LDLRAP1: variants seen among roughly 807,000 people sequenced by gnomAD.
LDLRAP1 encodes the protein low density lipoprotein receptor adapter protein 1.
In LDLRAP1, 30 loss-of-function variants were observed where a neutral mutation model predicts 37.8. The ratio of observed to expected loss-of-function variants is 0.79; its 90% CI spans 0.59 to 1.08. LDLRAP1 has a LOEUF of 1.08. Among genes scored for constraint, LDLRAP1 ranks in the 50% least tolerant of loss-of-function variants. LDLRAP1 has a pLI of 0.00. For missense variants in LDLRAP1, 375 were observed against 401.6 expected, an observed-to-expected ratio of 0.93 and a Z score of 0.57; for synonymous variants, 156 against 169.8, an observed-to-expected ratio of 0.92 and a Z score of 0.63.
the LDLRAP1 span, chr1:25,581,723 C>T: frequency 1.3e-5 from 2 of 152,388 alleles, no homozygotes; most frequent in Non-Finnish European, 2.9e-5. Flanking sequence ...TGCTGAGTGC[C>T]TCCCCCAGGC....
Position 25,543,716 on chromosome 1 carries a change from G to A in LDLRAP1, c.18G>A (p.Ser6=). Residue 6 remains serine, a synonymous_variant, in exon 1 of 9, where the codon TCG becomes TCA. Transcript: ENST00000374338. ...AGCGGGCCATGGACGCGCTCAAGTC[G>A]GCGGGGCGGGCGCTGATCCGGAGCC... MDALK[S]AGRALIRSPS... 1 of 1,214,480 alleles carries A rather than the reference G, an allele frequency of 8.2e-7. No individual in the cohort carries two copies. The highest frequency in any genetic ancestry group is 4.1e-5 in the South Asian group (1 of 24,340). 75.2% of individuals were successfully genotyped at this position (1,214,480 alleles called of 1,614,324 possible).
chr1:25,547,708 G>A (rs916889336), intron 1 of LDLRAP1, among the ~76,000 whole-genome samples: 4 of 152,110 alleles, frequency 2.6e-5, no homozygotes, highest in Non-Finnish European at 5.9e-5. Context: ...AGCATCTCCA[G>A]CAGGCAGAGT....
At chr1:25,557,871 C>T (rs917717276) in intron 4 of LDLRAP1, among the ~76,000 whole-genome samples, 1 of 140,496 alleles carries the variant, frequency 7.1e-6, no homozygotes, top group Non-Finnish European at 1.5e-5. Flanking sequence ...AACTGTTACT[C>T]TCTCCATTTT....
chr1:25,572,977 C>T (rs2044625604), downstream of LDLRAP1, among the ~76,000 whole-genome samples: 1 of 152,144 alleles, frequency 6.6e-6, no homozygotes, highest in African/African-American at 2.4e-5. Flanking sequence ...TCAGGACTGG[C>T]TTTCAATCCC....
At chr1:25,547,486 T>TAATAAATA (rs71014373) in intron 1 of LDLRAP1, among the ~76,000 whole-genome samples, 4,716 of 145,762 alleles carry the variant, frequency 0.032, 108 homozygotes, top group African/African-American at 0.057. Context: ...TTGTCTCAAA[T>TAATAAATA]AATAAATAAA....
chr1:25,573,724 T>C (rs4659356), downstream of LDLRAP1, among the ~76,000 whole-genome samples: 61,833 of 151,988 alleles, frequency 0.41, 12,731 homozygotes, highest in Middle Eastern at 0.53. Context: ...AGGACAGCCA[T>C]GTGAGGCCAT....
chr1:25,572,370 G>A (rs1355898754), downstream of LDLRAP1, among the ~76,000 whole-genome samples: 1 of 152,180 alleles, frequency 6.6e-6, no homozygotes. Flanking sequence ...GCTCCCCAGT[G>A]TGCACTGGGT....
chr1:25,543,704 C>A lies in LDLRAP1; in HGVS notation c.6C>A (p.Asp2Glu). 1 of 1,215,402 alleles carries A rather than the reference C, an allele frequency of 8.2e-7. No homozygotes were observed. Among genetic ancestry groups the A allele is most frequent in the Non-Finnish European group, 1.0e-6 (1 of 977,592 alleles). 75.3% of individuals were successfully genotyped at this position (1,215,402 alleles called of 1,614,324 possible). A position where few individuals can be genotyped will look rare whatever the true frequency, so the allele number is the denominator to read the frequency against. The stretch of plus-strand genomic sequence containing the variant: ...GGCGGCGGCCGGAGCGGGCCATGGA[C>A]GCGCTCAAGTCGGCGGGGCGGGCGC... MDALKSAGRALI... is the reference protein window; with the variant it reads MEALKSAGRALI... The change falls in exon 1 of 9, where the codon GAC (aspartate) becomes GAA (glutamate). Residue 2 changes from aspartate (D) to glutamate (E), a missense_variant. Asp to Glu is a conservative substitution (Grantham distance 45, BLOSUM62 2). Transcript: ENST00000374338.
Position 25,565,699 on chromosome 1 carries a change from C to T in LDLRAP1, c.782+492C>T, listed in dbSNP as rs1007543170. On this transcript the variant is annotated intron_variant, in intron 8 of 8. Coordinates refer to ENST00000374338, the MANE Select transcript of LDLRAP1 (RefSeq NM_015627.3). The stretch of plus-strand genomic sequence containing the variant: ...TTTGGTATAGCCTTTGGTGGCATTT[C>T]CCCGTTTTCCCAGGGGCCATCCTTG... 2.0e-5 allele frequency among the ~76,000 whole-genome samples: 3 copies of T among 152,194 alleles called. No homozygotes were observed. The East Asian group carries it at 5.8e-4, about 29-fold the overall frequency.
chr1:25,561,280 TC>T (rs1032467316), intron 4 of LDLRAP1, among the ~76,000 whole-genome samples: 3 of 152,226 alleles, frequency 2.0e-5, no homozygotes, highest in African/African-American at 7.2e-5. Flanking sequence ...GCGAAGAGTT[TC>T]ATACTTAATT....
the LDLRAP1 span, among the ~76,000 whole-genome samples, chr1:25,580,426 C>A: frequency 6.6e-6 from 1 of 152,054 alleles, no homozygotes; most frequent in African/African-American, 2.4e-5. Flanking sequence ...GAGAAAAAAA[C>A]AAAACAAAAC....
chr1:25,579,098 C>T, the LDLRAP1 span, among the ~76,000 whole-genome samples: 2 of 152,156 alleles, frequency 1.3e-5, no homozygotes, highest in South Asian at 2.1e-4. Context: ...TAGCGCTTGT[C>T]GATTTCCTAG....
chr1:25,562,012 G>A (rs992985557), intron 4 of LDLRAP1, among the ~76,000 whole-genome samples: 3 of 152,276 alleles, frequency 2.0e-5, no homozygotes, highest in East Asian at 1.9e-4. Context: ...AAGGGCCGAG[G>A]TGTGGCCCTT....
rs2044168370 is a variant in LDLRAP1, at chr1:25,555,056, C to T, written c.344+84C>T. The T allele has an allele frequency of 6.2e-6, 6 of 974,870 alleles. No homozygotes were observed. Among genetic ancestry groups the T allele is most frequent in the Non-Finnish European group, 4.9e-6 (3 of 610,318 alleles). The allele number at this position is 974,870 out of a possible 1,614,324, so 60.4% of individuals were successfully genotyped here. On this transcript the variant is annotated intron_variant, in intron 3 of 8. Coordinates refer to ENST00000374338, the MANE Select transcript of LDLRAP1 (RefSeq NM_015627.3). This position sits in a 1 kb window ranked among gnomAD's most constrained non-coding sequence, Gnocchi z 4.7. ...TCCCATCTGAATCCAGGCTCTACCA[C>T]TTCCTACCTGGGTGACATTGGAGCC... is the stretch of plus-strand genomic sequence containing the variant.
the LDLRAP1 span, among the ~76,000 whole-genome samples, chr1:25,587,472 T>C: frequency 6.6e-6 from 1 of 152,176 alleles, no homozygotes; most frequent in Admixed American, 6.5e-5. Context: ...ACTTTTAATT[T>C]CAGTCCTGAC....
chr1:25,546,036 T>C (rs973375553), intron 1 of LDLRAP1, among the ~76,000 whole-genome samples: 1 of 152,122 alleles, frequency 6.6e-6, no homozygotes, highest in Non-Finnish European at 1.5e-5. Flanking sequence ...GTCTTACCAG[T>C]GTGCTTGGTG....
Position 25,563,700 on chromosome 1 carries a change from C to G in LDLRAP1, c.656C>G (p.Ala219Gly), listed in dbSNP as rs1448386026. Residue 219 changes from alanine (A) to glycine (G), a missense_variant, in exon 7 of 9, where the codon GCT (alanine) becomes GGT (glycine). Transcript: ENST00000374338. ...AACCTGCTGGACTTAGAGGAGACAG[C>G]TAAGGCCCCGCTGTCCACGGTCAGC... is the stretch of plus-strand genomic sequence containing the variant. ...TGNLLDLEET[A>G]KAPLSTVSAN... is the part of the protein sequence containing the mutation. The G allele has an allele frequency of 6.2e-7, 1 of 1,613,940 alleles. No individual in the cohort carries two copies. Among genetic ancestry groups the G allele is most frequent in the Non-Finnish European group, 8.5e-7 (1 of 1,180,034 alleles).
In LDLRAP1 at chr1:25,566,977, C is replaced by T. The variant is rs773889104; in HGVS notation, c.912C>T (p.Asp304=). The change falls in exon 9 of 9, where the codon GAC becomes GAT. Residue 304 remains aspartate, a synonymous_variant. Transcript: ENST00000374338. ...KPDSSGTEQD[D]LFSF is the part of the protein sequence containing the mutation. ...ACAGCAGCGGCACAGAGCAGGATGA[C>T]CTCTTCAGCTTCTGAGGGCCCGGGG... 1 of 1,613,448 alleles carries T rather than the reference C, an allele frequency of 6.2e-7. No homozygotes were observed. The highest frequency in any genetic ancestry group is 1.7e-5 in the Admixed American group (1 of 60,022).
the LDLRAP1 span, among the ~76,000 whole-genome samples, chr1:25,576,267 C>T: frequency 4.0e-5 from 6 of 151,764 alleles, no homozygotes; most frequent in African/African-American, 1.5e-4. Context: ...TGGCTCACGC[C>T]TGTAATTCCA....
Sources: gnomAD v4.1 joint callset for allele counts (sites outside exome capture counted in the v4.1 genomes callset) on GRCh38, gnomAD v4.1.1 for gene constraint, Gnocchi (gnomAD v3.1) non-coding constraint, MANE v1.5 for transcripts, NCBI Gene and HGNC (gene_info 2026-07-23, HGNC 2026-07-21) for gene names.